ASAP1: variants seen among roughly 807,000 people sequenced by gnomAD.
ASAP1 encodes ArfGAP with SH3 domain, ankyrin repeat and PH domain 1, also known as arf-GAP with SH3 domain, ANK repeat and PH domain-containing protein 1.
A neutral mutation model predicts 145.2 loss-of-function variants in ASAP1; 43 were observed. The ratio of observed to expected loss-of-function variants is 0.30; its 90% CI spans 0.23 to 0.38. ASAP1 has a LOEUF of 0.38. ASAP1 is among the 10% of genes least tolerant of loss of function. ASAP1 has a pLI of 1.00. For missense variants in ASAP1, 1,018 were observed against 1,355.3 expected, an observed-to-expected ratio of 0.75 and a Z score of 3.91; for synonymous variants, 546 against 515.5, an observed-to-expected ratio of 1.06 and a Z score of -0.80.
chr8:130,354,813 C>A (rs974780912), intron 3 of ASAP1, among the ~76,000 whole-genome samples: 2 of 152,306 alleles, frequency 1.3e-5, no homozygotes, highest in African/African-American at 4.8e-5. Flanking sequence ...AAACCGTGAA[C>A]CCCTGAGCCA....
chr8:130,384,090 T>C (rs1030857130), intron 2 of ASAP1, among the ~76,000 whole-genome samples: 3 of 152,214 alleles, frequency 2.0e-5, no homozygotes, highest in African/African-American at 7.2e-5. Flanking sequence ...AATGTGCTAC[T>C]GAGATGGCAA....
chr8:130,255,536 A>G (rs1187124205), intron 3 of ASAP1, among the ~76,000 whole-genome samples: 2 of 152,114 alleles, frequency 1.3e-5, no homozygotes, highest in Non-Finnish European at 2.9e-5. Flanking sequence ...TCTGTCTCCT[A>G]TTCACTCCTG....
intron 3 of ASAP1, among the ~76,000 whole-genome samples, chr8:130,255,763 CAA>C (rs1163396454): frequency 6.6e-6 from 1 of 152,178 alleles, no homozygotes; most frequent in South Asian, 2.1e-4. Flanking sequence ...GCAACACTGA[CAA>C]AAAGTCTTGC....
At chr8:130,282,615 T>C (rs1348763036) in intron 3 of ASAP1, among the ~76,000 whole-genome samples, 1 of 152,184 alleles carries the variant, frequency 6.6e-6, no homozygotes, top group Non-Finnish European at 1.5e-5. Flanking sequence ...CATGTGTACA[T>C]CAACCATGGC....
chr8:130,178,238 T>C (rs1814101439), intron 9 of ASAP1, among the ~76,000 whole-genome samples: 1 of 152,232 alleles, frequency 6.6e-6, no homozygotes, highest in Admixed American at 6.5e-5. Context: ...CCATTCCATT[T>C]CTGGAAGGTC....
chr8:130,276,728 ACTCTCTCTCTCTCTCT>A (rs10678909), intron 3 of ASAP1, among the ~76,000 whole-genome samples: 1 of 87,272 alleles, frequency 1.1e-5, no homozygotes, highest in African/African-American at 4.4e-5. Context: ...ACACACACAC[ACTCTCTCTCTCTCTCT>A]CTCTCTCTCT....
At chr8:130,057,595 C>T (rs776758302) in intron 29 of ASAP1, among the ~76,000 whole-genome samples, 4 of 152,026 alleles carry the variant, frequency 2.6e-5, no homozygotes, top group Admixed American at 6.6e-5. Flanking sequence ...ACTACAGGTG[C>T]GTGCCACCAT....
intron 3 of ASAP1, among the ~76,000 whole-genome samples, chr8:130,281,192 A>G (rs1279772226): frequency 1.3e-5 from 2 of 152,194 alleles, no homozygotes; most frequent in Admixed American, 6.5e-5. Context: ...ACTGGAAATG[A>G]TATGTACCCC....
chr8:130,162,419 A>G (rs1388837275), intron 11 of ASAP1, among the ~76,000 whole-genome samples: 1 of 152,216 alleles, frequency 6.6e-6, no homozygotes, highest in Non-Finnish European at 1.5e-5. Flanking sequence ...GCAGGGATTA[A>G]AGAAATCCAC....
At chr8:130,252,673 G>C (rs1020735629) in intron 3 of ASAP1, among the ~76,000 whole-genome samples, 3 of 152,120 alleles carry the variant, frequency 2.0e-5, no homozygotes, top group Non-Finnish European at 4.4e-5. Context: ...TCTAATTTCT[G>C]TTGTAGTTTT....
rs1473724196 is a variant in ASAP1 at position 130,397,915 on chromosome 8, T to C, written c.59+3970A>G. On this transcript the variant is annotated intron_variant, in intron 2 of 29. Transcript: ENST00000518721. ...AGCCCCATGAGGGCAGGGTCATGTC[T>C]ACAGCATGGACCTTTGTATCCCAGG... is the stretch of plus-strand genomic sequence containing the variant. Among the ~76,000 whole-genome samples the C allele has an allele frequency of 2.0e-5, 3 of 152,256 alleles. No homozygotes were observed. The South Asian group carries it at 6.2e-4, about 31-fold the overall frequency.
At chr8:130,075,781 A>G (rs757217214) in intron 27 of ASAP1, among the ~76,000 whole-genome samples, 12 of 152,212 alleles carry the variant, frequency 7.9e-5, no homozygotes, top group Non-Finnish European at 1.5e-4. Flanking sequence ...AGCTTGGCAA[A>G]AAAACAGTAT....
chr8:130,102,560 T>A (rs931255724), intron 24 of ASAP1, among the ~76,000 whole-genome samples: 1 of 152,208 alleles, frequency 6.6e-6, no homozygotes, highest in African/African-American at 2.4e-5. Context: ...TAGTTTTCTT[T>A]TTTTGTTGTG....
intron 3 of ASAP1, among the ~76,000 whole-genome samples, chr8:130,265,302 G>A (rs1337151192): frequency 2.0e-5 from 3 of 152,166 alleles, no homozygotes; most frequent in Non-Finnish European, 4.4e-5. Flanking sequence ...CGGGTGTGGT[G>A]GCTCACCCCT....
At chr8:130,271,179 C>T (rs904198574) in intron 3 of ASAP1, among the ~76,000 whole-genome samples, 1 of 152,202 alleles carries the variant, frequency 6.6e-6, no homozygotes, top group African/African-American at 2.4e-5. Context: ...AGAGGGGCTG[C>T]TCGCTCCTAA....
intron 3 of ASAP1, among the ~76,000 whole-genome samples, chr8:130,248,227 G>T (rs369183344): frequency 6.6e-6 from 1 of 152,082 alleles, no homozygotes. Flanking sequence ...GTGCCGGGGG[G>T]GTTGGAGGGG....
intron 25 of ASAP1, among the ~76,000 whole-genome samples, chr8:130,085,997 G>A (rs1481113011): frequency 4.6e-5 from 7 of 152,114 alleles, no homozygotes; most frequent in South Asian, 2.1e-4. Context: ...CCTGGGCAGC[G>A]CAGGAGCTGC....
intron 3 of ASAP1, among the ~76,000 whole-genome samples, chr8:130,270,816 A>G (rs1820541752): frequency 6.6e-6 from 1 of 152,230 alleles, no homozygotes; most frequent in Non-Finnish European, 1.5e-5. Flanking sequence ...CTCTACCTTT[A>G]AAAGCCATTT....
intron 11 of ASAP1, among the ~76,000 whole-genome samples, chr8:130,164,201 G>T (rs2097675432): frequency 6.6e-6 from 1 of 152,172 alleles, no homozygotes; most frequent in Non-Finnish European, 1.5e-5. Flanking sequence ...ATGTGATGGG[G>T]TTTTAAAAGA....
Sources: allele counts gnomAD v4.1 joint callset (sites outside exome capture counted in the v4.1 genomes callset), GRCh38; gene constraint gnomAD v4.1.1; transcripts MANE v1.5; gene names NCBI Gene and HGNC (gene_info 2026-07-23, HGNC 2026-07-21).